TGM6: variants seen among roughly 807,000 people sequenced by gnomAD.
The protein encoded by TGM6 is transglutaminase 6, also known as protein-glutamine gamma-glutamyltransferase 6.
In TGM6, 74 loss-of-function variants were observed where a neutral mutation model predicts 77.5. The ratio of observed to expected loss-of-function variants is 0.96; its 90% confidence interval spans 0.79 to 1.16. The LOEUF (loss-of-function observed/expected upper bound fraction) is 1.16. TGM6 is among the 50% of genes most tolerant of loss of function. TGM6 has a pLI of 0.00. For missense variants in TGM6, 968 were observed against 940.2 expected (o/e 1.03, Z -0.39); for synonymous variants, 383 against 378.9 (o/e 1.01, Z -0.12).
At chr20:2,401,909 G>T (rs2122370710) in intron 7 of TGM6, among the ~76,000 whole-genome samples, 1 of 152,292 alleles carries the variant, frequency 6.6e-6, no homozygotes, top group East Asian at 1.9e-4. Context: ...GTTCACACAT[G>T]TGCAAGTCTG....
intron 9 of TGM6, among the ~76,000 whole-genome samples, chr20:2,414,575 A>G (rs1385782829): frequency 6.6e-6 from 1 of 152,196 alleles, no homozygotes; most frequent in East Asian, 1.9e-4. Flanking sequence ...TTCCAAGAGA[A>G]ATGAAAACAA....
chr20:2,421,510 G>C (rs942651333), intron 10 of TGM6, among the ~76,000 whole-genome samples: 4 of 152,180 alleles, frequency 2.6e-5, no homozygotes, highest in African/African-American at 9.7e-5. Context: ...TAGTATATCA[G>C]AGTTTACTAT....
intron 7 of TGM6, among the ~76,000 whole-genome samples, chr20:2,401,509 C>T (rs751930574): frequency 2.0e-5 from 3 of 152,192 alleles, no homozygotes; most frequent in African/African-American, 7.2e-5. Flanking sequence ...AACAATTCCA[C>T]GTAAATACAC....
chr20:2,396,019 A>G (rs1444037354), intron 3 of TGM6, among the ~76,000 whole-genome samples: 1 of 152,050 alleles, frequency 6.6e-6, no homozygotes, highest in African/African-American at 2.4e-5. Context: ...CGTCTCTACT[A>G]AAAATACAAA....
In TGM6 at chr20:2,431,155, T is replaced by C. The variant is rs1285587851; in HGVS notation, c.1967+128T>C. 5.3e-6 allele frequency: 6 copies of C among 1,124,546 alleles called. No homozygotes were observed. In the South Asian group the frequency reaches 8.0e-5, roughly 15 times the overall value. 69.7% of individuals were successfully genotyped at this position (1,124,546 alleles called of 1,614,324 possible). ...ACCCCAGGAACCAGCCCACAGACTA[T>C]ACATATCAGCCTTCATTCACTTATT... On this transcript the variant is annotated intron_variant, in intron 12 of 12. Transcript: ENST00000202625.
rs1222456315 is a variant in TGM6, at chr20:2,432,667, G to T, written c.*24G>T. Reference sequence around the variant, plus strand: ...GATGGATCATGAGGGACTGAGAGGGGTGGATTTGGCCCCTGTCCTCCTCCT... The same window carrying T: ...GATGGATCATGAGGGACTGAGAGGGTTGGATTTGGCCCCTGTCCTCCTCCT... On this transcript the variant is annotated 3_prime_UTR_variant, in exon 13 of 13. Transcript: ENST00000202625. The T allele has an allele frequency of 3.1e-6, 5 of 1,613,932 alleles. No homozygotes were observed. The African/African-American group carries it at 6.7e-5, about 22-fold the overall frequency.
chr20:2,395,116 G>A, intron 2 of TGM6, 78 bp from the exon 3 acceptor site: 1 of 1,575,472 alleles, frequency 6.3e-7, no homozygotes, highest in Admixed American at 1.8e-5. Context: ...GGGGCTTCCA[G>A]GCCTGTAGCT....
chr20:2,400,355 A>G lies in TGM6; in HGVS notation c.900A>G (p.Ser300=), dbSNP rs1444442055. ...IATRVVSNFN[S]AHDTDQNLSV... is the part of the protein sequence containing the mutation. ...CACGGGTCGTGTCCAACTTCAACTC[A>G]GCCCACGACACAGACCAGAACCTGA... The change falls in exon 7 of 13, where the codon TCA becomes TCG. Residue 300 remains serine, a synonymous_variant. Transcript: ENST00000202625. 69 of 1,614,168 alleles carry G rather than the reference A, an allele frequency of 4.3e-5. No homozygotes were observed. The highest frequency in any genetic ancestry group is 5.8e-5 in the Non-Finnish European group (69 of 1,180,028).
intron 1 of TGM6, among the ~76,000 whole-genome samples, chr20:2,390,566 G>A (rs187998178): frequency 4.3e-4 from 65 of 152,268 alleles, no homozygotes; most frequent in African/African-American, 1.4e-3. Context: ...TGTATCAGGC[G>A]CTGAAGATTC....
At chr20:2,408,599 T>C (rs543104596) in intron 9 of TGM6, among the ~76,000 whole-genome samples, 3 of 152,300 alleles carry the variant, frequency 2.0e-5, no homozygotes, top group Admixed American at 6.5e-5. Context: ...AATGAATGAA[T>C]TGGGGCCAAC....
intron 7 of TGM6, among the ~76,000 whole-genome samples, chr20:2,402,690 C>A (rs1343858845): frequency 6.6e-6 from 1 of 152,198 alleles, no homozygotes; most frequent in African/African-American, 2.4e-5. Flanking sequence ...TTTCTTTCTG[C>A]AAGACCTTGA....
chr20:2,402,537 T>C (rs143991675), intron 7 of TGM6, among the ~76,000 whole-genome samples: 118 of 152,306 alleles, frequency 7.7e-4, no homozygotes, highest in African/African-American at 2.7e-3. Flanking sequence ...ACCACCCAGG[T>C]TATCAGGGTC....
At position 2,421,043 on chromosome 20, in the gene TGM6, G is replaced by A. The variant is rs571214710; in HGVS notation, c.1678+3470G>A. Among the ~76,000 whole-genome samples, 249 of 152,040 alleles carry A rather than the reference G, an allele frequency of 1.6e-3. 1 individual carries two copies. The highest frequency in any genetic ancestry group is 1.0e-2 in the South Asian group (48 of 4,814). ...CGCTCCGTCACCAGGCTAGAGTGCA[G>A]TGGTGCGATTTTGGCTCACTGCAAC... On this transcript the variant is annotated intron_variant, in intron 10 of 12. Coordinates refer to ENST00000202625, the MANE Select transcript of TGM6 (RefSeq NM_198994.3).
chr20:2,390,380 A>T (rs1223771751), intron 1 of TGM6, among the ~76,000 whole-genome samples: 1 of 152,250 alleles, frequency 6.6e-6, no homozygotes, highest in Non-Finnish European at 1.5e-5. Flanking sequence ...TAATCACAAT[A>T]AAACTAGTAT....
chr20:2,413,427 C>T (rs1599958745), intron 9 of TGM6, among the ~76,000 whole-genome samples: 1 of 152,024 alleles, frequency 6.6e-6, no homozygotes, highest in Non-Finnish European at 1.5e-5. Flanking sequence ...ACAGACAAGA[C>T]AAAAATTACA....
intron 9 of TGM6, among the ~76,000 whole-genome samples, chr20:2,406,862 A>T (rs967652406): frequency 1.4e-5 from 2 of 141,902 alleles, no homozygotes; most frequent in South Asian, 4.7e-4. Flanking sequence ...AAAAAAAAAA[A>T]AAAACCATGG....
At chr20:2,402,832 C>T (rs1450497851) in intron 7 of TGM6, among the ~76,000 whole-genome samples, 1 of 152,224 alleles carries the variant, frequency 6.6e-6, no homozygotes, top group African/African-American at 2.4e-5. Flanking sequence ...TGGCCATATC[C>T]CAGAGATACT....
chr20:2,429,192 A>C (rs958450766), intron 10 of TGM6, among the ~76,000 whole-genome samples: 1 of 152,170 alleles, frequency 6.6e-6, no homozygotes, highest in Non-Finnish European at 1.5e-5. Flanking sequence ...GAACTAAGGG[A>C]GCCCATAAAA....
chr20:2,381,551 T>C (rs2084555007), intron 1 of TGM6, among the ~76,000 whole-genome samples: 1 of 152,200 alleles, frequency 6.6e-6, no homozygotes, highest in Admixed American at 6.5e-5. Flanking sequence ...AGCCTTGCTG[T>C]GAGGAGTTGG....
Sources: allele counts gnomAD v4.1 joint callset (sites outside exome capture counted in the v4.1 genomes callset), GRCh38; gene constraint gnomAD v4.1.1; transcripts MANE v1.5; gene names NCBI Gene and HGNC (gene_info 2026-07-23, HGNC 2026-07-21).